Variants in STAG1 observed in about 807,000 individuals in gnomAD.
STAG1 encodes cohesin subunit SA-1.
Under a neutral mutation model 170.9 loss-of-function variants are expected in STAG1, and 26 were observed. That is an observed-to-expected ratio of 0.15 (90% CI 0.11 to 0.21). The LOEUF is 0.21. Among genes scored for constraint, STAG1 ranks in the 10% least tolerant of loss-of-function variants. The pLI is 1.00. For synonymous variants in STAG1, 514 were observed against 497.7 expected (o/e 1.03, Z -0.44); for missense variants, 964 against 1,509.5 (o/e 0.64, Z 5.99).
intron 1 of STAG1, among the ~76,000 whole-genome samples, chr3:136,715,428 G>A (rs541585746): frequency 6.6e-6 from 1 of 151,520 alleles, no homozygotes; most frequent in African/African-American, 2.4e-5. Flanking sequence ...AGATCACCCT[G>A]GCTAACACAG....
At chr3:136,657,202 T>C (rs1941413181) in intron 1 of STAG1, among the ~76,000 whole-genome samples, 1 of 143,790 alleles carries the variant, frequency 7.0e-6, no homozygotes, top group Non-Finnish European at 1.5e-5. Context: ...TTTTTTTTTT[T>C]TTTTTTTTTT....
At chr3:136,343,243 C>T (rs1576372291) in intron 30 of STAG1, among the ~76,000 whole-genome samples, 1 of 152,200 alleles carries the variant, frequency 6.6e-6, no homozygotes, top group East Asian at 1.9e-4. Flanking sequence ...CGCCATCACC[C>T]TCTGCCTTCT....
intron 21 of STAG1, among the ~76,000 whole-genome samples, chr3:136,407,154 G>A (rs914323710): frequency 6.6e-6 from 1 of 152,150 alleles, no homozygotes. Context: ...AGCCTCCTGA[G>A]TAGCTGGGAT....
intron 1 of STAG1, among the ~76,000 whole-genome samples, chr3:136,746,410 A>T (rs568169262): frequency 8.0e-4 from 122 of 152,178 alleles, no homozygotes; most frequent in South Asian, 2.1e-3. Flanking sequence ...CCTGTAAAAT[A>T]AACTAATTAT....
chr3:136,438,876 T>C (rs1362310627), intron 15 of STAG1, among the ~76,000 whole-genome samples: 1 of 152,140 alleles, frequency 6.6e-6, no homozygotes, highest in African/African-American at 2.4e-5. Context: ...ATGTTAGCAC[T>C]AGAAATAACC....
At chr3:136,522,341 A>C (rs2107907737) in intron 6 of STAG1, among the ~76,000 whole-genome samples, 1 of 152,340 alleles carries the variant, frequency 6.6e-6, no homozygotes, top group Non-Finnish European at 1.5e-5. Flanking sequence ...GAACGGACTC[A>C]GAGTCAAAAT....
At chr3:136,504,584 G>T (rs189612320) in intron 7 of STAG1, among the ~76,000 whole-genome samples, 1 of 152,290 alleles carries the variant, frequency 6.6e-6, no homozygotes, top group East Asian at 1.9e-4. Context: ...GAGGAATCTG[G>T]AGCATTCCAA....
At chr3:136,652,549 C>G (rs1371739361) in intron 1 of STAG1, among the ~76,000 whole-genome samples, 1 of 152,138 alleles carries the variant, frequency 6.6e-6, no homozygotes, top group Non-Finnish European at 1.5e-5. Flanking sequence ...AGTAAAGGTT[C>G]TGGCCAATGT....
chr3:136,615,220 A>G (rs1559910956), intron 3 of STAG1, among the ~76,000 whole-genome samples: 1 of 152,042 alleles, frequency 6.6e-6, no homozygotes, highest in East Asian at 1.9e-4. Flanking sequence ...AATGGTGTGA[A>G]TGTGGGAAAG....
intron 1 of STAG1, among the ~76,000 whole-genome samples, chr3:136,640,821 C>T (rs1056546967): frequency 6.6e-6 from 1 of 150,996 alleles, no homozygotes; most frequent in Non-Finnish European, 1.5e-5. Flanking sequence ...TACAGGCGCC[C>T]GCCCCAACAT....
At chr3:136,642,670 T>C (rs992461115) in intron 1 of STAG1, among the ~76,000 whole-genome samples, 1 of 152,232 alleles carries the variant, frequency 6.6e-6, no homozygotes, top group Non-Finnish European at 1.5e-5. Flanking sequence ...TCTTATACTT[T>C]GCAATTGCAA....
chr3:136,470,970 C>A (rs1346992929), intron 12 of STAG1, among the ~76,000 whole-genome samples: 1 of 135,978 alleles, frequency 7.4e-6, no homozygotes, highest in Non-Finnish European at 1.5e-5. Context: ...CCATCACACA[C>A]TGGGGACTGT....
intron 6 of STAG1, among the ~76,000 whole-genome samples, chr3:136,532,919 C>A (rs1261641183): frequency 6.6e-6 from 1 of 151,986 alleles, no homozygotes; most frequent in Admixed American, 6.6e-5. Context: ...CCTAGACAGA[C>A]CAATCAGGTA....
At chr3:136,749,253 G>A (rs1174342143) in intron 1 of STAG1, among the ~76,000 whole-genome samples, 8 of 152,150 alleles carry the variant, frequency 5.3e-5, no homozygotes, top group African/African-American at 1.9e-4. Context: ...GACCTTAAAG[G>A]GGGGAGTCAG....
At chr3:136,372,566 G>T (rs1349581174) in intron 23 of STAG1, among the ~76,000 whole-genome samples, 2 of 152,120 alleles carry the variant, frequency 1.3e-5, no homozygotes, top group Admixed American at 6.5e-5. Flanking sequence ...GAAGGTTGTT[G>T]AATTTTGTCA....
chr3:136,478,067 C>T (rs995812221), intron 9 of STAG1, among the ~76,000 whole-genome samples: 11 of 152,022 alleles, frequency 7.2e-5, no homozygotes, highest in East Asian at 5.8e-4. Flanking sequence ...TGGGATTACA[C>T]GCGTGAGCCA....
At chr3:136,456,052 G>A (rs1040173377) in intron 13 of STAG1, among the ~76,000 whole-genome samples, 37 of 152,138 alleles carry the variant, frequency 2.4e-4, no homozygotes, top group Admixed American at 9.2e-4. Flanking sequence ...CACTACCAAA[G>A]AAAACTTGCA....
intron 1 of STAG1, among the ~76,000 whole-genome samples, chr3:136,631,499 G>C (rs1176819066): frequency 6.6e-6 from 1 of 152,154 alleles, no homozygotes; most frequent in Non-Finnish European, 1.5e-5. Context: ...AACAGCAGGA[G>C]TCCAAAAACA....
intron 6 of STAG1, among the ~76,000 whole-genome samples, chr3:136,527,265 C>A (rs961958323): frequency 1.3e-5 from 2 of 152,186 alleles, no homozygotes; most frequent in African/African-American, 4.8e-5. Flanking sequence ...ACCATAGTCC[C>A]ATATTTCTTG....
Sources: allele counts gnomAD v4.1 joint callset (sites outside exome capture counted in the v4.1 genomes callset), GRCh38; gene constraint gnomAD v4.1.1; transcripts MANE v1.5; gene names NCBI Gene and HGNC (gene_info 2026-07-23, HGNC 2026-07-21).